Variants in R3HDM1 observed in about 807,000 individuals in gnomAD.
The protein encoded by R3HDM1 is R3H domain-containing protein 1.
A neutral mutation model predicts 141.1 loss-of-function variants in R3HDM1; 46 were observed. The observed-to-expected ratio is 0.33, with a 90% CI of 0.26 to 0.42. The LOEUF is 0.42. Among genes scored for constraint, R3HDM1 ranks in the 10% least tolerant of loss-of-function variants. The pLI is 1.00. For missense variants in R3HDM1, 1,184 were observed against 1,368.3 expected, an observed-to-expected ratio of 0.87 and a Z score of 2.12; for synonymous variants, 435 against 472.9, an observed-to-expected ratio of 0.92 and a Z score of 1.04.
At chr2:135,545,188 T>G (rs1698434598) in intron 1 of R3HDM1, among the ~76,000 whole-genome samples, 1 of 152,238 alleles carries the variant, frequency 6.6e-6, no homozygotes, top group Admixed American at 6.5e-5. Context: ...ACCCAGGACG[T>G]TATGGATTCA....
chr2:135,678,757 C>CT (rs397738151), intron 20 of R3HDM1, among the ~76,000 whole-genome samples: 36 of 84,174 alleles, frequency 4.3e-4, no homozygotes, highest in South Asian at 1.7e-3. Flanking sequence ...TACTGGCTTG[C>CT]TTTTTTTTTT....
chr2:135,618,185 C>T (rs1358846850), intron 5 of R3HDM1, among the ~76,000 whole-genome samples: 2 of 143,760 alleles, frequency 1.4e-5, no homozygotes, highest in East Asian at 2.0e-4. Flanking sequence ...TTTTTTGAGA[C>T]GGAGTTTCAC....
At chr2:135,620,196 A>G (rs1183237882) in intron 5 of R3HDM1, 1 of 686,922 alleles carries the variant, frequency 1.5e-6, no homozygotes, top group East Asian at 1.4e-4. Context: ...GTAGTGTGAA[A>G]TCTTTTCTCC....
At chr2:135,546,178 T>G (rs1405613812) in intron 1 of R3HDM1, among the ~76,000 whole-genome samples, 1 of 152,242 alleles carries the variant, frequency 6.6e-6, no homozygotes, top group Non-Finnish European at 1.5e-5. Context: ...TTTCTTTGTT[T>G]CAGGGTCTGA....
chr2:135,583,895 A>T (rs1454695810), intron 1 of R3HDM1: 1 of 985,336 alleles, frequency 1.0e-6, no homozygotes, highest in East Asian at 1.1e-4. Flanking sequence ...CCTATCATTC[A>T]GATGGGTATT....
At position 135,722,453 on chromosome 2, in the gene R3HDM1, AT is replaced by A. The variant is rs2105472198; in HGVS notation, c.2965-13del. ...GCATTATTAACGTTGTTTCTCAACT[AT>A]TTGTGGGTTTTCAGGGTCAGCCTGG... On this transcript the variant is annotated splice_polypyrimidine_tract_variant and intron_variant, in intron 25 of 26. Coordinates refer to ENST00000683871, the MANE Select transcript of R3HDM1 (RefSeq NM_001378107.1). The A allele has an allele frequency of 6.2e-7, 1 of 1,612,714 alleles. No individual in the cohort carries two copies. The highest frequency in any genetic ancestry group is 8.5e-7 in the Non-Finnish European group (1 of 1,179,556).
intron 24 of R3HDM1, among the ~76,000 whole-genome samples, chr2:135,720,518 G>T (rs1298346353): frequency 1.3e-5 from 2 of 152,226 alleles, no homozygotes; most frequent in Non-Finnish European, 2.9e-5. Context: ...TTTGCAGTCA[G>T]CATTTATTAA....
At chr2:135,560,057 G>A (rs1433494124) in intron 1 of R3HDM1, among the ~76,000 whole-genome samples, 1 of 152,186 alleles carries the variant, frequency 6.6e-6, no homozygotes, top group African/African-American at 2.4e-5. Context: ...AATTTTCCCT[G>A]CAGTGATGGC....
intron 1 of R3HDM1, among the ~76,000 whole-genome samples, chr2:135,548,068 G>C (rs1699109522): frequency 6.6e-6 from 1 of 152,136 alleles, no homozygotes. Flanking sequence ...CACTGCCCCA[G>C]CCTGAAGTCT....
At chr2:135,620,390 C>A in intron 5 of R3HDM1, 2 of 833,480 alleles carry the variant, frequency 2.4e-6, no homozygotes, top group Non-Finnish European at 2.9e-6. Flanking sequence ...AAATTACTTA[C>A]TGGTTGATGA....
At chr2:135,681,256 G>A (rs913823861) in intron 21 of R3HDM1, among the ~76,000 whole-genome samples, 7 of 152,210 alleles carry the variant, frequency 4.6e-5, no homozygotes, top group Middle Eastern at 3.4e-3. Flanking sequence ...TTCTGCCTGC[G>A]TATAGCAAGC....
intron 14 of R3HDM1, among the ~76,000 whole-genome samples, chr2:135,641,271 G>A (rs2063762207): frequency 6.6e-6 from 1 of 152,056 alleles, no homozygotes; most frequent in Non-Finnish European, 1.5e-5. Flanking sequence ...TGCTTTTTGT[G>A]GCTGTCTGTG....
At chr2:135,584,314 C>T (rs1017893332) in intron 1 of R3HDM1, 10 of 836,342 alleles carry the variant, frequency 1.2e-5, no homozygotes, top group African/African-American at 3.7e-5. Flanking sequence ...GGTGACAGAA[C>T]GAGATTCCGT....
At chr2:135,723,484 G>A (rs1340104044) in intron 26 of R3HDM1, among the ~76,000 whole-genome samples, 2 of 151,746 alleles carry the variant, frequency 1.3e-5, no homozygotes, top group African/African-American at 4.8e-5. Flanking sequence ...AAAGATGGAT[G>A]TCCCTGGCCG....
At chr2:135,577,442 C>G (rs1420239406) in intron 1 of R3HDM1, among the ~76,000 whole-genome samples, 1 of 100,356 alleles carries the variant, frequency 1.0e-5, no homozygotes, top group African/African-American at 3.9e-5. Flanking sequence ...AAAAAAAAAG[C>G]CTTGAGCACC....
At chr2:135,594,410 ATCACTC>A (rs1316860617) in intron 1 of R3HDM1, among the ~76,000 whole-genome samples, 1 of 152,186 alleles carries the variant, frequency 6.6e-6, no homozygotes, top group Non-Finnish European at 1.5e-5. Context: ...TCTCATTTGC[ATCACTC>A]TCACTCATTA....
chr2:135,547,258 C>T (rs955369888), intron 1 of R3HDM1, among the ~76,000 whole-genome samples: 9 of 152,092 alleles, frequency 5.9e-5, no homozygotes, highest in African/African-American at 1.9e-4. Flanking sequence ...AAAATCAAAA[C>T]AGTACATGCA....
intron 16 of R3HDM1, among the ~76,000 whole-genome samples, chr2:135,648,546 A>G (rs1283997277): frequency 6.6e-6 from 1 of 152,162 alleles, no homozygotes; most frequent in African/African-American, 2.4e-5. Context: ...AGTTTTCATC[A>G]AGTGAGATTC....
At chr2:135,583,624 G>A in intron 1 of R3HDM1, 3 of 536,004 alleles carry the variant, frequency 5.6e-6, no homozygotes, top group Non-Finnish European at 7.2e-6. Flanking sequence ...TTCAAGAGAT[G>A]TGTTAAATTT....
Sources: gnomAD v4.1 joint callset for allele counts (sites outside exome capture counted in the v4.1 genomes callset) on GRCh38, gnomAD v4.1.1 for gene constraint, MANE v1.5 for transcripts, NCBI Gene and HGNC (gene_info 2026-07-23, HGNC 2026-07-21) for gene names.